Variants in PDCD4 observed in about 807,000 individuals in gnomAD.
PDCD4 encodes the protein programmed cell death protein 4.
Under a neutral mutation model 54.0 loss-of-function variants are expected in PDCD4, and 56 were observed. The ratio of observed to expected loss-of-function variants is 1.04; its 90% CI spans 0.84 to 1.30. The LOEUF (loss-of-function observed/expected upper bound fraction) is 1.30. Among genes scored for constraint, PDCD4 ranks in the 50% most tolerant of loss-of-function variants. PDCD4 has a pLI of 0.00. For missense variants in PDCD4, 584 were observed against 559.8 expected (o/e 1.04, Z -0.44); for synonymous variants, 186 against 194.8 (o/e 0.95, Z 0.37).
intron 5 of PDCD4, among the ~76,000 whole-genome samples, chr10:110,886,728 G>C (rs147328378): frequency 2.4e-4 from 36 of 152,096 alleles, no homozygotes; most frequent in Middle Eastern, 3.4e-3. Flanking sequence ...GGCTATTTGA[G>C]TATTAAATAA....
At position 110,883,048 on chromosome 10, in the gene PDCD4, A is replaced by G. The variant is rs1254977470; in HGVS notation, c.392A>G (p.Tyr131Cys). 7 of 1,600,950 alleles carry G rather than the reference A, an allele frequency of 4.4e-6. No homozygotes were observed. The highest frequency in any genetic ancestry group is 1.4e-5 in the African/African-American group (1 of 73,768). The change falls in exon 4 of 12, where the codon TAT becomes TGT. Residue 131 changes from tyrosine (Y) to cysteine (C), a missense_variant. Coordinates refer to ENST00000280154, the MANE Select transcript of PDCD4 (RefSeq NM_014456.5). Reference protein sequence around the residue: ...KGVWGTPGQVYDVEEVDVKDP... With the variant: ...KGVWGTPGQVCDVEEVDVKDP... ...GTCTGGGGTACACCTGGACAGGTGT[A>G]TGATGTGGAGGAGGTGGATGTGAAA...
In PDCD4 at chr10:110,887,917, C is replaced by T. The variant is rs1182817273; in HGVS notation, c.777+31C>T. The T allele has an allele frequency of 2.9e-6, 4 of 1,367,342 alleles. No individual in the cohort carries two copies. In the Admixed American group the frequency reaches 5.1e-5, roughly 17 times the overall value. 84.7% of individuals were successfully genotyped at this position (1,367,342 alleles called of 1,614,324 possible). A position where few individuals can be genotyped will look rare whatever the true frequency, so the allele number is the denominator to read the frequency against. On this transcript the variant is annotated intron_variant, in intron 6 of 11. Transcript: ENST00000280154. ...TATGATTCTTCTTTTTGTTCATTCC[C>T]TCCCACTACTATATTCCTAATTGTG...
intron 6 of PDCD4, 80 bp from the exon 7 acceptor site, chr10:110,889,453 A>G (rs1845722437): frequency 2.5e-6 from 2 of 813,348 alleles, no homozygotes; most frequent in Non-Finnish European, 4.2e-6. Context: ...GCTAATCTTC[A>G]TCATTTATGT....
rs1190113981 is a variant in PDCD4 at position 110,894,203 on chromosome 10, G to T, written c.1098+5G>T. 6.8e-7 allele frequency: 1 copy of T among 1,474,262 alleles called. No individual in the cohort carries two copies. The allele number at this position is 1,474,262 out of a possible 1,614,324, so 91.3% of individuals were successfully genotyped here. A position where few individuals can be genotyped will look rare whatever the true frequency, so the allele number is the denominator to read the frequency against. Reference sequence around the variant, plus strand: ...CACCATGAGCTTGTATATGAAGTAAGATTACCTTGCCATGTCAAAGATAAT... The same window carrying T: ...CACCATGAGCTTGTATATGAAGTAATATTACCTTGCCATGTCAAAGATAAT... On this transcript the variant is annotated splice_donor_5th_base_variant and intron_variant, in intron 9 of 11. Coordinates refer to ENST00000280154, the MANE Select transcript of PDCD4 (RefSeq NM_014456.5).
Position 110,881,243 on chromosome 10 carries a change from C to CTTA in PDCD4, c.55_57dup (p.Leu19dup), listed in dbSNP as rs759101050. On this transcript the variant is annotated inframe_insertion, in exon 3 of 12. Coordinates refer to ENST00000280154, the MANE Select transcript of PDCD4 (RefSeq NM_014456.5). Reference sequence around the variant, plus strand: ...ATTTTTCTCTTTAAGATCCTGATAACTTAAGTGACTCTCTCTTTTCCGGTG... The same window carrying CTTA: ...ATTTTTCTCTTTAAGATCCTGATAACTTATTAAGTGACTCTCTCTTTTCCGGTG... The CTTA allele has an allele frequency of 1.2e-6, 2 of 1,611,078 alleles. No homozygotes were observed. Among genetic ancestry groups the CTTA allele is most frequent in the Non-Finnish European group, 1.7e-6 (2 of 1,177,938 alleles).
At chr10:110,891,314 C>T (rs1398529701) in intron 8 of PDCD4, among the ~76,000 whole-genome samples, 1 of 147,384 alleles carries the variant, frequency 6.8e-6, no homozygotes, top group African/African-American at 2.5e-5. Flanking sequence ...GGCTGAGGCA[C>T]CAGTATTGCT....
In PDCD4 at chr10:110,887,736, G is replaced by T. The variant is rs1845689814; in HGVS notation, c.627G>T (p.Leu209Phe). 1 of 1,613,322 alleles carries T rather than the reference G, an allele frequency of 6.2e-7. No homozygotes were observed. Among genetic ancestry groups the T allele is most frequent in the African/African-American group, 1.3e-5 (1 of 74,890 alleles). Residue 209 changes from leucine to phenylalanine, a missense_variant, in exon 6 of 12, where the codon TTG becomes TTT. Coordinates refer to ENST00000280154, the MANE Select transcript of PDCD4 (RefSeq NM_014456.5). ...CAGTGTTGGCAGTATCCTTAGCATT[G>T]GAGGGGAAGGCTAGTCATAGAGAGA... Reference protein sequence around the residue: ...GVPVLAVSLALEGKASHREMT... With the variant: ...GVPVLAVSLAFEGKASHREMT...
chr10:110,895,970 A>G lies in PDCD4; in HGVS notation c.1232A>G (p.Glu411Gly), dbSNP rs199762223. 13 of 1,602,894 alleles carry G rather than the reference A, an allele frequency of 8.1e-6. No individual in the cohort carries two copies. The highest frequency in any genetic ancestry group is 1.1e-5 in the Non-Finnish European group (13 of 1,174,900). ...MKRGYERIYN[E>G]IPDINLDVPH... ...TAGGGTTATGAGAGAATTTACAATG[A>G]AATTCCGGACATTAATCTGGATGTC... Residue 411 changes from glutamate (E) to glycine (G), a missense_variant, in exon 11 of 12, where the codon GAA becomes GGA. Transcript: ENST00000280154.
At chr10:110,891,156 G>A (rs1166299995) in intron 8 of PDCD4, among the ~76,000 whole-genome samples, 1 of 152,094 alleles carries the variant, frequency 6.6e-6, no homozygotes, top group Non-Finnish European at 1.5e-5. Context: ...TGTAATCCCA[G>A]CACTTTGAGA....
At chr10:110,884,110 A>G (rs554996787) in intron 4 of PDCD4, among the ~76,000 whole-genome samples, 10 of 152,284 alleles carry the variant, frequency 6.6e-5, no homozygotes, top group African/African-American at 2.4e-4. Flanking sequence ...TAAGTTTTAA[A>G]TTGCATGCCA....
At chr10:110,894,250 C>T in intron 9 of PDCD4, 52 bp downstream of exon 9, 4 of 1,046,162 alleles carry the variant, frequency 3.8e-6, no homozygotes, top group Middle Eastern at 2.0e-4. Context: ...CCTTTTTGTA[C>T]TGTAGCGACT....
At chr10:110,896,915 T>G (rs765296823) in intron 11 of PDCD4, among the ~76,000 whole-genome samples, 144 of 152,212 alleles carry the variant, frequency 9.5e-4, no homozygotes, top group Non-Finnish European at 1.5e-3. Context: ...GAAAAGAAAG[T>G]GATGAAAGAT....
chr10:110,894,246 T>G (rs781052997), intron 9 of PDCD4, 48 bp downstream of exon 9: 2 of 1,095,640 alleles, frequency 1.8e-6, no homozygotes. Flanking sequence ...TGTTCCTTTT[T>G]GTACTGTAGC....
At chr10:110,877,889 G>T (rs1480255921) in intron 2 of PDCD4, among the ~76,000 whole-genome samples, 3 of 152,144 alleles carry the variant, frequency 2.0e-5, no homozygotes, top group Admixed American at 6.5e-5. Flanking sequence ...GATTTAGTGA[G>T]ATATTGTATA....
chr10:110,898,803 T>C lies in PDCD4; in HGVS notation c.*715T>C, dbSNP rs984736615. 2 of 152,634 alleles carry C rather than the reference T, an allele frequency of 1.3e-5. No homozygotes were observed. Among genetic ancestry groups the C allele is most frequent in the African/African-American group, 4.8e-5 (2 of 41,446 alleles). 9.5% of individuals were successfully genotyped at this position (152,634 alleles called of 1,614,324 possible). On this transcript the variant is annotated 3_prime_UTR_variant, in exon 12 of 12. Coordinates refer to ENST00000280154, the MANE Select transcript of PDCD4 (RefSeq NM_014456.5). ...AAACTTTAATTTCACACAGTAAATT[T>C]TGAATCTCATAAGGAAGCATATTTG...
chr10:110,884,536 G>A (rs1412237000), intron 4 of PDCD4, among the ~76,000 whole-genome samples: 3 of 151,752 alleles, frequency 2.0e-5, no homozygotes, highest in Non-Finnish European at 4.4e-5. Flanking sequence ...AATCGTGAAG[G>A]CTTTGGTTCC....
chr10:110,891,242 T>C (rs1845751250), intron 8 of PDCD4, among the ~76,000 whole-genome samples: 1 of 151,834 alleles, frequency 6.6e-6, no homozygotes, highest in Non-Finnish European at 1.5e-5. Context: ...CCGTTTCTAC[T>C]AAAAATACAT....
At position 110,889,208 on chromosome 10, in the gene PDCD4, C is replaced by T. The variant is rs556067623; in HGVS notation, c.778-325C>T. ...CTGCACTCCAGCCTGGGCGACAGAG[C>T]GAGACTCTGTCTCAAAAAAAAAAAA... On this transcript the variant is annotated intron_variant, in intron 6 of 11. Coordinates refer to ENST00000280154, the MANE Select transcript of PDCD4 (RefSeq NM_014456.5). 3.1e-4 allele frequency among the ~76,000 whole-genome samples: 37 copies of T among 119,222 alleles called. 1 individual carries two copies. The South Asian group carries it at 8.1e-3, about 26-fold the overall frequency. The allele number at this position is 119,222 out of a possible 152,430, so 78.2% of individuals were successfully genotyped here. A position where few individuals can be genotyped will look rare whatever the true frequency, so the allele number is the denominator to read the frequency against.
intron 2 of PDCD4, among the ~76,000 whole-genome samples, chr10:110,876,302 T>C (rs988992485): frequency 3.9e-5 from 6 of 152,266 alleles, no homozygotes; most frequent in South Asian, 2.1e-4. Flanking sequence ...CTATGTTGCC[T>C]AGGCTGAAAT....
Sources: gnomAD v4.1 joint callset for allele counts (sites outside exome capture counted in the v4.1 genomes callset) on GRCh38, gnomAD v4.1.1 for gene constraint, MANE v1.5 for transcripts, NCBI Gene and HGNC (gene_info 2026-07-23, HGNC 2026-07-21) for gene names.